PKNOX2: variants seen among roughly 807,000 people sequenced by gnomAD.
The protein encoded by PKNOX2 is homeobox protein PKNOX2.
PKNOX2 carries 14 observed loss-of-function variants against 53.1 expected under a neutral mutation model. The ratio of observed to expected loss-of-function variants is 0.26; its 90% CI spans 0.17 to 0.41. The LOEUF is 0.41. Ranked by LOEUF, PKNOX2 falls within the 10% of genes least tolerant of loss-of-function variation. The probability of loss-of-function intolerance (pLI) is 1.00; values close to 1 mark genes in which losing one functional copy is unlikely to be tolerated. For synonymous variants in PKNOX2, 257 were observed against 242.8 expected (o/e 1.06, Z -0.54); for missense variants, 496 against 602.8 (o/e 0.82, Z 1.85).
intron 1 of PKNOX2, among the ~76,000 whole-genome samples, chr11:125,230,159 T>A (rs1457948132): frequency 6.6e-6 from 1 of 152,182 alleles, no homozygotes; most frequent in Non-Finnish European, 1.5e-5. Context: ...GGCTGAGGAC[T>A]AGTGTGGAAT....
intron 1 of PKNOX2, among the ~76,000 whole-genome samples, chr11:125,226,776 CT>C (rs1204087363): frequency 6.5e-4 from 95 of 145,120 alleles, no homozygotes; most frequent in Admixed American, 1.2e-3. Context: ...TTTTTTTTTC[CT>C]TTTTTTTTTT....
chr11:125,262,836 C>T (rs996031940), intron 2 of PKNOX2, among the ~76,000 whole-genome samples: 3 of 152,164 alleles, frequency 2.0e-5, no homozygotes, highest in Admixed American at 1.3e-4. Flanking sequence ...CCCATGCGTT[C>T]CCTCCTGCTC....
rs1955421662 is a variant in PKNOX2 at position 125,410,237 on chromosome 11, C to T, written c.630C>T (p.Ser210=). The T allele has an allele frequency of 6.2e-7, 1 of 1,614,034 alleles. No homozygotes were observed. The highest frequency in any genetic ancestry group is 8.5e-7 in the Non-Finnish European group (1 of 1,179,978). Residue 210 remains serine (S), a synonymous_variant, in exon 8 of 13, where the codon TCC becomes TCT. Transcript: ENST00000298282. The stretch of plus-strand genomic sequence containing the variant: ...CCCCCAATTCCATGTCCGGAGTCTC[C>T]AATAACCCCCAGGGGATTGTGGTCC... ...QNSPNSMSGV[S]NNPQGIVVPA...
intron 1 of PKNOX2, among the ~76,000 whole-genome samples, chr11:125,216,358 G>C (rs1285565131): frequency 6.6e-6 from 1 of 152,164 alleles, no homozygotes. Context: ...CCTTCCCATA[G>C]ACAGTGTCAG....
At chr11:125,171,879 A>C (rs1012488102) in intron 1 of PKNOX2, among the ~76,000 whole-genome samples, 1 of 152,196 alleles carries the variant, frequency 6.6e-6, no homozygotes, top group African/African-American at 2.4e-5. Context: ...AACAGTAGAG[A>C]GGGCACATAC....
intron 10 of PKNOX2, among the ~76,000 whole-genome samples, chr11:125,421,611 C>A (rs1956178268): frequency 6.6e-6 from 1 of 152,180 alleles, no homozygotes; most frequent in Non-Finnish European, 1.5e-5. Context: ...ATAGGATTGA[C>A]AATATGTTAG....
chr11:125,375,628 G>A (rs1952789228), intron 5 of PKNOX2, among the ~76,000 whole-genome samples: 1 of 152,134 alleles, frequency 6.6e-6, no homozygotes, highest in African/African-American at 2.4e-5. Context: ...GCACATATAA[G>A]AGCACTTTAC....
intron 2 of PKNOX2, among the ~76,000 whole-genome samples, chr11:125,263,851 G>T (rs926040193): frequency 3.9e-5 from 6 of 152,234 alleles, no homozygotes; most frequent in Admixed American, 3.3e-4. Flanking sequence ...TGAATCTGGA[G>T]AACAGCTGCC....
chr11:125,215,913 C>T (rs895336356), intron 1 of PKNOX2, among the ~76,000 whole-genome samples: 6 of 152,164 alleles, frequency 3.9e-5, no homozygotes, highest in African/African-American at 1.4e-4. Context: ...AGCGCTCAGT[C>T]ATTTATTCTC....
At chr11:125,295,256 G>A (rs1947576391) in intron 2 of PKNOX2, among the ~76,000 whole-genome samples, 1 of 152,256 alleles carries the variant, frequency 6.6e-6, no homozygotes, top group South Asian at 2.1e-4. Context: ...AAAAGTTGAA[G>A]GAGGGGGAAG....
chr11:125,212,360 C>T (rs1939941983), intron 1 of PKNOX2, among the ~76,000 whole-genome samples: 1 of 151,958 alleles, frequency 6.6e-6, no homozygotes. Context: ...TCCTTCTGGT[C>T]CTCTTCCCAC....
intron 2 of PKNOX2, among the ~76,000 whole-genome samples, chr11:125,298,590 G>A (rs1289214744): frequency 6.6e-6 from 1 of 152,218 alleles, no homozygotes; most frequent in East Asian, 1.9e-4. Flanking sequence ...GCTGTGCATA[G>A]ACAGGCCTCC....
At chr11:125,209,999 C>A (rs985403835) in intron 1 of PKNOX2, among the ~76,000 whole-genome samples, 4 of 152,118 alleles carry the variant, frequency 2.6e-5, no homozygotes, top group African/African-American at 9.7e-5. Flanking sequence ...CTGACCATCA[C>A]TGGAGGTGAA....
intron 4 of PKNOX2, among the ~76,000 whole-genome samples, chr11:125,351,670 A>C (rs1469973156): frequency 6.6e-6 from 1 of 152,160 alleles, no homozygotes; most frequent in Non-Finnish European, 1.5e-5. Flanking sequence ...TCCATCAGAC[A>C]GCAGACAAGC....
chr11:125,412,703 G>A (rs146168250), intron 10 of PKNOX2, among the ~76,000 whole-genome samples: 3 of 152,150 alleles, frequency 2.0e-5, no homozygotes, highest in Non-Finnish European at 4.4e-5. Flanking sequence ...CCATTAGTCT[G>A]CGAGCTCCTG....
intron 1 of PKNOX2, among the ~76,000 whole-genome samples, chr11:125,220,484 G>T (rs1246992039): frequency 6.6e-6 from 1 of 152,166 alleles, no homozygotes; most frequent in African/African-American, 2.4e-5. Context: ...GATTGAGGGA[G>T]AAGGCAGAGG....
At chr11:125,299,447 G>A (rs12288809) in intron 2 of PKNOX2, among the ~76,000 whole-genome samples, 17,817 of 152,024 alleles carry the variant, frequency 0.12, 1,387 homozygotes, top group East Asian at 0.25. Flanking sequence ...AGCTGTCTCG[G>A]TGGAGAAATG....
rs550413105 is a variant in PKNOX2 at position 125,240,965 on chromosome 11, C to T, written c.-130+5850C>T. 5.7e-4 allele frequency among the ~76,000 whole-genome samples: 87 copies of T among 152,312 alleles called. No individual in the cohort carries two copies. Among genetic ancestry groups the T allele is most frequent in the African/African-American group, 2.0e-3 (84 of 41,556 alleles). Reference sequence around the variant, plus strand: ...CATCAGAGCTAGCCAAGGAGAGCCTCCCGTATCTGGAGGAGCCTAGCGCTG... The same window carrying T: ...CATCAGAGCTAGCCAAGGAGAGCCTTCCGTATCTGGAGGAGCCTAGCGCTG... On this transcript the variant is annotated intron_variant, in intron 2 of 12. Coordinates refer to ENST00000298282, the MANE Select transcript of PKNOX2 (RefSeq NM_001382323.2). This position sits in a 1 kb window ranked among gnomAD's most constrained non-coding sequence, Gnocchi z 4.3.
intron 2 of PKNOX2, among the ~76,000 whole-genome samples, chr11:125,267,107 C>G (rs549095215): frequency 6.6e-6 from 1 of 152,352 alleles, no homozygotes; most frequent in South Asian, 2.1e-4. Flanking sequence ...TGATCGGTAT[C>G]TCCATTTGGC....
Sources: allele counts gnomAD v4.1 joint callset (sites outside exome capture counted in the v4.1 genomes callset), GRCh38; gene constraint gnomAD v4.1.1; non-coding constraint Gnocchi (gnomAD v3.1); transcripts MANE v1.5; gene names NCBI Gene and HGNC (gene_info 2026-07-23, HGNC 2026-07-21).